The following ACACA variants were observed in gnomAD, a reference collection of about 807,000 sequenced individuals.
The protein encoded by ACACA is acetyl-CoA carboxylase 1.
ACACA carries 103 observed loss-of-function variants against 296.1 expected under a neutral mutation model. The observed-to-expected ratio is 0.35, with a 90% CI of 0.30 to 0.41. The LOEUF (loss-of-function observed/expected upper bound fraction) is 0.41, where lower values mean the gene tolerates loss of function less well. ACACA is among the 10% of genes least tolerant of loss of function. The probability of loss-of-function intolerance (pLI) is 1.00; values close to 1 mark genes in which losing one functional copy is unlikely to be tolerated. For missense variants in ACACA, 1,554 were observed against 2,989.7 expected (o/e 0.52, Z 11.20); for synonymous variants, 953 against 1,038.6 (o/e 0.92, Z 1.58).
chr17:37,390,330 A>ATATATAATATATATATATATC lies in ACACA; in HGVS notation c.38+15931_38+15932insGATATATATATATATTATATA, dbSNP rs1386032855. On this transcript the variant is annotated intron_variant, in intron 1 of 55. Coordinates refer to ENST00000616317, the MANE Select transcript of ACACA (RefSeq NM_198834.3). Reference sequence around the variant, plus strand: ...TATATATATATATATATATATATATATATAAAAGGCCAGCTGGGCCGGGCA... The same window carrying ATATATAATATATATATATATC: ...TATATATATATATATATATATATATATATATAATATATATATATATCTATAAAAGGCCAGCTGGGCCGGGCA... Among the ~76,000 whole-genome samples, 190 of 41,582 alleles carry ATATATAATATATATATATATC rather than the reference A, an allele frequency of 4.6e-3. 32 individuals are homozygous for ATATATAATATATATATATATC. Among genetic ancestry groups the ATATATAATATATATATATATC allele is most frequent in the African/African-American group, 0.024 (185 of 7,842 alleles). 27.3% of individuals were successfully genotyped at this position (41,582 alleles called of 152,430 possible). A position where few individuals can be genotyped will look rare whatever the true frequency, so the allele number is the denominator to read the frequency against.
chr17:37,294,131 A>G (rs1274338911), intron 3 of ACACA, among the ~76,000 whole-genome samples: 1 of 152,140 alleles, frequency 6.6e-6, no homozygotes, highest in Admixed American at 6.5e-5. Flanking sequence ...GTTGAAAAAA[A>G]AAAAGGCACA....
intron 3 of ACACA, among the ~76,000 whole-genome samples, chr17:37,319,171 T>G (rs1373876911): frequency 6.6e-6 from 1 of 152,162 alleles, no homozygotes. Context: ...TGATAGAATG[T>G]GACAGATTAA....
intron 22 of ACACA, 107 bp from the exon 23 acceptor site, chr17:37,242,160 G>A (rs2145944198): frequency 1.2e-6 from 1 of 848,576 alleles, no homozygotes; most frequent in Non-Finnish European, 2.0e-6. Context: ...TAACATGGCA[G>A]TTCCTATCTC....
At chr17:37,154,917 A>G (rs1315262480) in intron 43 of ACACA, among the ~76,000 whole-genome samples, 2 of 152,084 alleles carry the variant, frequency 1.3e-5, no homozygotes, top group Non-Finnish European at 2.9e-5. Context: ...TTATTAATTG[A>G]TAATAATCAA....
intron 35 of ACACA, among the ~76,000 whole-genome samples, chr17:37,197,613 T>C (rs945786377): frequency 3.3e-5 from 5 of 152,192 alleles, no homozygotes; most frequent in African/African-American, 1.2e-4. Context: ...CCTTCATGAA[T>C]GTCAAGCTAC....
intron 3 of ACACA, among the ~76,000 whole-genome samples, chr17:37,329,247 T>G (rs770754604): frequency 2.8e-4 from 42 of 152,182 alleles, no homozygotes; most frequent in Non-Finnish European, 5.4e-4. Context: ...AGAAGTCCTA[T>G]CAATCATCAA....
At chr17:37,400,835 G>C (rs947370347) in intron 1 of ACACA, among the ~76,000 whole-genome samples, 4 of 152,052 alleles carry the variant, frequency 2.6e-5, no homozygotes, top group East Asian at 1.9e-4. Flanking sequence ...CTTGGCTATG[G>C]TGAATAATGC....
intron 50 of ACACA, 81 bp downstream of exon 50, chr17:37,121,274 C>T: frequency 6.3e-7 from 1 of 1,598,332 alleles, no homozygotes; most frequent in Non-Finnish European, 8.6e-7. Flanking sequence ...CCCACAGATT[C>T]TGCTGAATCT....
intron 10 of ACACA, among the ~76,000 whole-genome samples, chr17:37,268,713 A>ATATCTATCTATCTATCTATC (rs1187101546): frequency 7.4e-6 from 1 of 135,648 alleles, no homozygotes; most frequent in African/African-American, 2.9e-5. Context: ...ATCTATATCT[A>ATATCTATCTATCTATCTATC]TATCTATCTA....
chr17:37,382,550 G>A (rs1239642631), intron 1 of ACACA, among the ~76,000 whole-genome samples: 1 of 151,978 alleles, frequency 6.6e-6, no homozygotes. Context: ...CTCTCAGGAT[G>A]TTACAGAAAA....
chr17:37,243,576 G>T lies in ACACA; in HGVS notation c.2743-17C>A. 6.2e-7 allele frequency: 1 copy of T among 1,611,812 alleles called. No homozygotes were observed. The highest frequency in any genetic ancestry group is 8.5e-7 in the Non-Finnish European group (1 of 1,178,434). ...GTCTTTTACCTAGAAAGAAAGCATT[G>T]GTAAAATAGGACCCAAGTTAACACA... On this transcript the variant is annotated splice_polypyrimidine_tract_variant and intron_variant, in intron 21 of 55. Coordinates refer to ENST00000616317, the MANE Select transcript of ACACA (RefSeq NM_198834.3).
chr17:37,206,896 A>T lies in ACACA; in HGVS notation c.3852-17T>A. On this transcript the variant is annotated splice_polypyrimidine_tract_variant and intron_variant, in intron 31 of 55. Coordinates refer to ENST00000616317, the MANE Select transcript of ACACA (RefSeq NM_198834.3). ...TCAAAGATCCTAAAAAATACAAGAG[A>T]AACACCCACCATGAAAACTCAAGTG... 1 of 1,594,826 alleles carries T rather than the reference A, an allele frequency of 6.3e-7. No individual in the cohort carries two copies. Among genetic ancestry groups the T allele is most frequent in the Non-Finnish European group, 8.6e-7 (1 of 1,162,608 alleles).
At chr17:37,389,133 A>C in intron 1 of ACACA, 1 of 1,350,708 alleles carries the variant, frequency 7.4e-7, no homozygotes. Context: ...AATAGGACTG[A>C]ATATTTTATT....
intron 29 of ACACA, among the ~76,000 whole-genome samples, chr17:37,211,131 T>G (rs2078731663): frequency 1.3e-5 from 2 of 152,202 alleles, no homozygotes; most frequent in East Asian, 3.8e-4. Context: ...TTAAAAGAAC[T>G]GAAAATCATG....
At position 37,225,069 on chromosome 17, in the gene ACACA, G is replaced by A. The variant is rs2079479782; in HGVS notation, c.3397C>T (p.Arg1133Cys). 6.2e-7 allele frequency: 1 copy of A among 1,612,920 alleles called. No homozygotes were observed. Among genetic ancestry groups the A allele is most frequent in the African/African-American group, 1.3e-5 (1 of 74,788 alleles). Residue 1133 changes from arginine to cysteine, a missense_variant, in exon 27 of 56, where the codon CGC becomes TGC. Physicochemically the swap from Arg to Cys is radical, Grantham distance 180. Transcript: ENST00000616317. ...AAGATAGACTCTACTTGGTTATGGC[G>A]AAGCTCATATGATGGCAAATGGGAG... ...IASHLPSYEL[R>C]HNQVESIFLS... is the part of the protein sequence containing the mutation.
At chr17:37,161,732 T>C (rs747666815) in intron 42 of ACACA, 49 bp downstream of exon 42, 2 of 1,597,506 alleles carry the variant, frequency 1.3e-6, no homozygotes, top group African/African-American at 2.7e-5. Flanking sequence ...TCCACACATG[T>C]AGCATAACCA....
intron 1 of ACACA, among the ~76,000 whole-genome samples, chr17:37,382,776 C>T (rs1315140515): frequency 2.6e-5 from 4 of 152,204 alleles, no homozygotes; most frequent in African/African-American, 4.8e-5. Context: ...AGAAGAATAG[C>T]TTGAACCCAG....
At position 37,222,026 on chromosome 17, in the gene ACACA, A is replaced by C. The variant is rs974627958; in HGVS notation, c.3565-184T>G. The C allele has an allele frequency of 4.8e-6, 3 of 619,064 alleles. No homozygotes were observed. In the African/African-American group the frequency reaches 5.5e-5, roughly 11 times the overall value. 38.3% of individuals were successfully genotyped at this position (619,064 alleles called of 1,614,324 possible). On this transcript the variant is annotated intron_variant, in intron 28 of 55. Coordinates refer to ENST00000616317, the MANE Select transcript of ACACA (RefSeq NM_198834.3). ...AATAAAGCTGGAGTCTTAATACTAT[A>C]ACCATGACTACTAATGAAAACAAAA...
At chr17:37,200,017 A>T in intron 35 of ACACA, 122 bp downstream of exon 35, 1 of 758,316 alleles carries the variant, frequency 1.3e-6, no homozygotes, top group Non-Finnish European at 2.2e-6. Context: ...TTATTATAAT[A>T]ATTTCTAAAA....
Sources: gnomAD v4.1 joint callset for allele counts (sites outside exome capture counted in the v4.1 genomes callset) on GRCh38, gnomAD v4.1.1 for gene constraint, MANE v1.5 for transcripts, NCBI Gene and HGNC (gene_info 2026-07-23, HGNC 2026-07-21) for gene names.